Variants in SYTL5 observed in about 807,000 individuals in gnomAD.
SYTL5 encodes the protein synaptotagmin-like protein 5.
SYTL5 carries 34 observed loss-of-function variants against 55.9 expected under a neutral mutation model. The observed-to-expected ratio is 0.61, with a 90% CI of 0.46 to 0.81. The LOEUF (loss-of-function observed/expected upper bound fraction) is 0.81. Ranked by LOEUF, SYTL5 falls within the 30% of genes least tolerant of loss-of-function variation. SYTL5 has a pLI of 0.00. For missense variants in SYTL5, 637 were observed against 546.7 expected (o/e 1.17, Z -1.65); for synonymous variants, 221 against 188.7 (o/e 1.17, Z -1.40).
At chrX:37,926,709 G>GTGGGC in the SYTL5 span, among the ~76,000 whole-genome samples, 4 of 111,570 alleles carry the variant, frequency 3.6e-5, no homozygotes, top group African/African-American at 1.3e-4. Flanking sequence ...AAATTTTCAT[G>GTGGGC]TGGGCTACCA....
At chrX:38,087,635 G>A (rs1213890224) in intron 6 of SYTL5, among the ~76,000 whole-genome samples, 2 of 111,821 alleles carry the variant, frequency 1.8e-5, no homozygotes, top group Non-Finnish European at 3.8e-5. Flanking sequence ...CCACTCTTTA[G>A]TAACATAGAA....
chrX:37,952,009 G>A, the SYTL5 span, among the ~76,000 whole-genome samples: 1 of 110,652 alleles, frequency 9.0e-6, no homozygotes, highest in Non-Finnish European at 1.9e-5. Context: ...AATACAGAGG[G>A]GGCTCTGAAT....
Position 38,033,974 on chromosome X carries a change from G to A in SYTL5, c.85G>A (p.Glu29Lys). Residue 29 changes from glutamate to lysine, a missense_variant, in exon 2 of 17, where the codon GAA becomes AAA. Physicochemically the swap from Glu to Lys is moderately conservative, Grantham distance 56. Coordinates refer to ENST00000297875, the MANE Select transcript of SYTL5 (RefSeq NM_138780.3). ...GATCCTGGGCGTCCTAAAGAGAGATGAATATTTGAAAAAAGTGGAGGACAA... is the reference window on the plus strand; with the variant it reads ...GATCCTGGGCGTCCTAAAGAGAGATAAATATTTGAAAAAAGTGGAGGACAA... ...EMILGVLKRD[E>K]YLKKVEDKRI... 1.7e-6 allele frequency: 2 copies of A among 1,185,063 alleles called. No homozygotes were observed. Among genetic ancestry groups the A allele is most frequent in the Non-Finnish European group, 1.1e-6 (1 of 876,079 alleles).
At chrX:37,947,288 C>T in the SYTL5 span, among the ~76,000 whole-genome samples, 1 of 111,665 alleles carries the variant, frequency 9.0e-6, no homozygotes, top group Non-Finnish European at 1.9e-5. Flanking sequence ...CAAAATCTCA[C>T]CTCAAATTGT....
intron 6 of SYTL5, among the ~76,000 whole-genome samples, chrX:38,082,113 G>T (rs1350410594): frequency 8.9e-6 from 1 of 111,879 alleles, no homozygotes; most frequent in East Asian, 2.8e-4. Context: ...TCAATAATGT[G>T]AGAAGGTATG....
chrX:37,972,371 A>G, the SYTL5 span, among the ~76,000 whole-genome samples: 1 of 111,340 alleles, frequency 9.0e-6, no homozygotes. Context: ...GGAGAAAACC[A>G]ACTCAGAATA....
At chrX:38,023,136 C>G (rs17312499) in intron 1 of SYTL5, among the ~76,000 whole-genome samples, 7 of 112,160 alleles carry the variant, frequency 6.2e-5, no homozygotes, top group Non-Finnish European at 1.1e-4. Flanking sequence ...ATTGGAGGCA[C>G]AAAACTATGA....
chrX:37,981,017 C>T, the SYTL5 span, among the ~76,000 whole-genome samples: 3 of 112,235 alleles, frequency 2.7e-5, no homozygotes, highest in Admixed American at 2.8e-4. Context: ...TATCTCCATT[C>T]CCAGCTTGAG....
At chrX:38,122,236 T>G in intron 15 of SYTL5, 21 bp downstream of exon 15, 1 of 1,191,717 alleles carries the variant, frequency 8.4e-7, no homozygotes, top group Non-Finnish European at 1.1e-6. Flanking sequence ...TTTAGCTCTT[T>G]TTGGATGATA....
At chrX:38,018,739 CT>C (rs1387116344) in intron 1 of SYTL5, among the ~76,000 whole-genome samples, 40 of 111,389 alleles carry the variant, frequency 3.6e-4, no homozygotes, top group African/African-American at 1.1e-3. Context: ...ATTTAAAAAC[CT>C]TTGCAGTTCC....
chrX:37,935,289 C>T, the SYTL5 span, among the ~76,000 whole-genome samples: 9 of 111,556 alleles, frequency 8.1e-5, no homozygotes, highest in South Asian at 7.5e-4. Flanking sequence ...TAAGGCATTC[C>T]GGATAAATAA....
the SYTL5 span, among the ~76,000 whole-genome samples, chrX:37,904,938 A>G: frequency 9.0e-6 from 1 of 110,938 alleles, no homozygotes; most frequent in Non-Finnish European, 1.9e-5. Flanking sequence ...TCTTCCTTCC[A>G]GTTTTGATAT....
chrX:37,941,277 A>G, the SYTL5 span, among the ~76,000 whole-genome samples: 3 of 111,851 alleles, frequency 2.7e-5, no homozygotes, highest in African/African-American at 6.5e-5. Flanking sequence ...TTGTGCAGGG[A>G]CAATCCCAGA....
At chrX:38,065,575 G>T (rs1462731420) in intron 3 of SYTL5, among the ~76,000 whole-genome samples, 1 of 111,745 alleles carries the variant, frequency 8.9e-6, no homozygotes, top group Non-Finnish European at 1.9e-5. Context: ...TTCTTTTGTA[G>T]GTTTCCTTTT....
At chrX:38,114,218 A>G (rs949887558) in intron 13 of SYTL5, among the ~76,000 whole-genome samples, 1 of 111,380 alleles carries the variant, frequency 9.0e-6, no homozygotes, top group African/African-American at 3.3e-5. Context: ...CATATTCTAC[A>G]CAACCCCCAT....
At chrX:37,998,603 C>T in the SYTL5 span, among the ~76,000 whole-genome samples, 1 of 111,975 alleles carries the variant, frequency 8.9e-6, no homozygotes. Flanking sequence ...CACCCCTTGC[C>T]GTTCCACACC....
intron 1 of SYTL5, among the ~76,000 whole-genome samples, chrX:38,017,316 A>G (rs1157222839): frequency 1.8e-5 from 2 of 112,250 alleles, no homozygotes; most frequent in Non-Finnish European, 3.8e-5. Context: ...AAGATGTAAT[A>G]TAACACTGGA....
chrX:37,903,815 C>G, the SYTL5 span, among the ~76,000 whole-genome samples: 4 of 111,673 alleles, frequency 3.6e-5, no homozygotes, highest in Admixed American at 3.8e-4. Flanking sequence ...GTTCAATTGC[C>G]GTCTTCTGGT....
At chrX:38,029,130 G>T (rs1307472929) in intron 1 of SYTL5, among the ~76,000 whole-genome samples, 1 of 111,892 alleles carries the variant, frequency 8.9e-6, no homozygotes, top group African/African-American at 3.2e-5. Flanking sequence ...AACCTGTTGT[G>T]CTTATATTCC....
Sources: allele counts gnomAD v4.1 joint callset (sites outside exome capture counted in the v4.1 genomes callset), GRCh38; gene constraint gnomAD v4.1.1; transcripts MANE v1.5; gene names NCBI Gene and HGNC (gene_info 2026-07-23, HGNC 2026-07-21).